Variants in ABCA3 observed in about 807,000 individuals in gnomAD.
ABCA3 encodes ATP binding cassette subfamily A member 3, also known as phospholipid-transporting ATPase ABCA3.
Under a neutral mutation model 172.8 loss-of-function variants are expected in ABCA3, and 88 were observed. The ratio of observed to expected loss-of-function variants is 0.51; its 90% CI spans 0.43 to 0.61. The LOEUF is 0.61. ABCA3 is among the 20% of genes least tolerant of loss of function. The probability of loss-of-function intolerance (pLI) is 0.00; values close to 1 mark genes in which losing one functional copy is unlikely to be tolerated. For synonymous variants in ABCA3, 1,066 were observed against 983.8 expected (o/e 1.08, Z -1.56); for missense variants, 2,164 against 2,301.0 (o/e 0.94, Z 1.22).
chr16:2,319,450 A>C, intron 8 of ABCA3, 131 bp downstream of exon 8: 1 of 1,269,210 alleles, frequency 7.9e-7, no homozygotes, highest in Non-Finnish European at 1.1e-6. Flanking sequence ...GCACCACTGC[A>C]CTCCAGCCTG....
intron 3 of ABCA3, among the ~76,000 whole-genome samples, chr16:2,327,067 A>G (rs574732404): frequency 2.6e-5 from 4 of 152,262 alleles, no homozygotes; most frequent in East Asian, 1.9e-4. Context: ...ATGTAAGATC[A>G]ATGACATGCT....
intron 6 of ABCA3, among the ~76,000 whole-genome samples, chr16:2,324,141 G>A (rs2093730420): frequency 6.6e-6 from 1 of 152,172 alleles, no homozygotes; most frequent in Non-Finnish European, 1.5e-5. Flanking sequence ...TTCATAAAAT[G>A]AGGGAACAGA....
At chr16:2,313,781 G>A (rs1296261048) in intron 10 of ABCA3, among the ~76,000 whole-genome samples, 2 of 150,378 alleles carry the variant, frequency 1.3e-5, no homozygotes, top group South Asian at 2.1e-4. Context: ...TGTAATCCCA[G>A]CTACTTGGGA....
intron 7 of ABCA3, among the ~76,000 whole-genome samples, chr16:2,323,172 T>C (rs1374602976): frequency 6.6e-6 from 1 of 152,108 alleles, no homozygotes; most frequent in African/African-American, 2.4e-5. Flanking sequence ...CTGGAGAGGA[T>C]GAGGAGAAAT....
At chr16:2,305,910 T>G (rs2093696972) in intron 11 of ABCA3, among the ~76,000 whole-genome samples, 1 of 152,250 alleles carries the variant, frequency 6.6e-6, no homozygotes, top group East Asian at 1.9e-4. Context: ...TCATCATCTC[T>G]CTGGTTTGCC....
intron 10 of ABCA3, among the ~76,000 whole-genome samples, chr16:2,314,143 G>A (rs553623536): frequency 2.0e-5 from 3 of 152,262 alleles, no homozygotes; most frequent in South Asian, 2.1e-4. Context: ...ACTTCTGGGT[G>A]TACGCCCAAA....
At chr16:2,311,798 G>C (rs2093707146) in intron 10 of ABCA3, among the ~76,000 whole-genome samples, 1 of 152,146 alleles carries the variant, frequency 6.6e-6, no homozygotes, top group African/African-American at 2.4e-5. Context: ...GGGATTACAG[G>C]TGTGAGCCAC....
chr16:2,331,446 G>A (rs371756616), intron 1 of ABCA3, among the ~76,000 whole-genome samples: 3 of 152,178 alleles, frequency 2.0e-5, no homozygotes, highest in Non-Finnish European at 2.9e-5. Flanking sequence ...TGATCCGCCC[G>A]CCTCGGCCTC....
In ABCA3 at chr16:2,331,879, C is replaced by A. The variant is rs535954771; in HGVS notation, c.-538-2025G>T. Among the ~76,000 whole-genome samples the A allele has an allele frequency of 3.9e-5, 6 of 152,320 alleles. 1 individual carries two copies. The South Asian group carries it at 1.2e-3, about 32-fold the overall frequency. ...CAAGAGCAGAGCTTCAAGAACTTCC[C>A]TTTGAAGAGGCTCTCTTCACTAGTC... On this transcript the variant is annotated intron_variant, in intron 1 of 32. Transcript: ENST00000301732.
At chr16:2,294,442 T>C (rs1004168465) in intron 18 of ABCA3, among the ~76,000 whole-genome samples, 5 of 152,038 alleles carry the variant, frequency 3.3e-5, no homozygotes, top group Admixed American at 2.6e-4. Flanking sequence ...TCCCAGAACT[T>C]TGGGAGGCTG....
At chr16:2,296,393 C>G (rs1001631324) in intron 17 of ABCA3, among the ~76,000 whole-genome samples, 1 of 152,188 alleles carries the variant, frequency 6.6e-6, no homozygotes, top group South Asian at 2.1e-4. Context: ...CACCACCATA[C>G]CTGGTTAAGT....
intron 20 of ABCA3, chr16:2,289,140 C>T: frequency 4.4e-6 from 2 of 457,424 alleles, no homozygotes; most frequent in African/African-American, 2.0e-5. Context: ...CAACCAACCT[C>T]CGTGTCGTTG....
chr16:2,321,965 C>T (rs999763341), intron 7 of ABCA3, among the ~76,000 whole-genome samples: 2 of 151,982 alleles, frequency 1.3e-5, no homozygotes, highest in Non-Finnish European at 2.9e-5. Context: ...TTTGGGAAGC[C>T]GAGGTGGGTG....
At chr16:2,315,644 A>C (rs1473308864) in intron 10 of ABCA3, among the ~76,000 whole-genome samples, 2 of 152,054 alleles carry the variant, frequency 1.3e-5, no homozygotes, top group Non-Finnish European at 2.9e-5. Context: ...CAGGAATGTC[A>C]CATAGGAAGT....
In ABCA3 at chr16:2,317,614, G is replaced by A. The variant is rs773849853; in HGVS notation, c.990+34C>T. 14 of 1,609,636 alleles carry A rather than the reference G, an allele frequency of 8.7e-6. 1 individual carries two copies. The highest frequency in any genetic ancestry group is 5.5e-5 in the South Asian group (5 of 90,982). ...CTCCTGGGGTGCCCTGGCTCTCCCC[G>A]TCCTCACCAGAGCCCCACCGACGCC... On this transcript the variant is annotated intron_variant, in intron 9 of 32. Coordinates refer to ENST00000301732, the MANE Select transcript of ABCA3 (RefSeq NM_001089.3).
intron 1 of ABCA3, chr16:2,332,310 G>A: frequency 1.4e-6 from 1 of 689,780 alleles, no homozygotes; most frequent in Non-Finnish European, 2.6e-6. Context: ...AGTCACGATG[G>A]GCTTATCGGT....
intron 11 of ABCA3, among the ~76,000 whole-genome samples, chr16:2,306,742 T>C (rs1232850790): frequency 1.3e-5 from 2 of 151,710 alleles, no homozygotes; most frequent in Non-Finnish European, 2.9e-5. Context: ...AGAAAAAAAG[T>C]GGGCGGCTCA....
intron 19 of ABCA3, among the ~76,000 whole-genome samples, chr16:2,291,066 G>A (rs1020448598): frequency 1.3e-5 from 2 of 152,104 alleles, no homozygotes; most frequent in African/African-American, 2.4e-5. Flanking sequence ...GATGGTGGCT[G>A]GGGGTGGTGG....
At chr16:2,334,851 G>C (rs977621977) in intron 1 of ABCA3, among the ~76,000 whole-genome samples, 19 of 146,292 alleles carry the variant, frequency 1.3e-4, no homozygotes, top group African/African-American at 4.3e-4. Flanking sequence ...TTTTTGAGAC[G>C]GAGTTTCACT....
Sources: allele counts gnomAD v4.1 joint callset (sites outside exome capture counted in the v4.1 genomes callset), GRCh38; gene constraint gnomAD v4.1.1; transcripts MANE v1.5; gene names NCBI Gene and HGNC (gene_info 2026-07-23, HGNC 2026-07-21).